The following ATP13A4 variants were observed in gnomAD, a reference collection of about 807,000 sequenced individuals.
The protein encoded by ATP13A4 is ATPase 13A4.
ATP13A4 carries 114 observed loss-of-function variants against 142.5 expected under a neutral mutation model. The ratio of observed to expected loss-of-function variants is 0.80; its 90% CI spans 0.69 to 0.93. The LOEUF (loss-of-function observed/expected upper bound fraction) is 0.93. Ranked by LOEUF, ATP13A4 falls within the 40% of genes least tolerant of loss-of-function variation. ATP13A4 has a pLI of 0.00. For missense variants in ATP13A4, 1,392 were observed against 1,454.0 expected, an observed-to-expected ratio of 0.96 and a Z score of 0.69; for synonymous variants, 488 against 514.8, an observed-to-expected ratio of 0.95 and a Z score of 0.70.
At chr3:193,549,427 TATATATAG>T (rs749184904) in intron 1 of ATP13A4, among the ~76,000 whole-genome samples, 29 of 141,864 alleles carry the variant, frequency 2.0e-4, no homozygotes, top group Middle Eastern at 3.5e-3. Context: ...AATATATATA[TATATATAG>T]AGAGAGAGAG....
At chr3:193,489,229 T>A (rs1323825631) in intron 7 of ATP13A4, among the ~76,000 whole-genome samples, 2 of 152,136 alleles carry the variant, frequency 1.3e-5, no homozygotes, top group Admixed American at 1.3e-4. Context: ...GGATTTATAG[T>A]GCAACCAACC....
chr3:193,418,740 G>C (rs1715250522), intron 25 of ATP13A4, among the ~76,000 whole-genome samples: 2 of 150,026 alleles, frequency 1.3e-5, no homozygotes, highest in Admixed American at 6.9e-5. Flanking sequence ...CCCCAGAGTA[G>C]AAGCCAACAG....
chr3:193,467,167 C>G, intron 10 of ATP13A4, 149 bp downstream of exon 10: 1 of 743,394 alleles, frequency 1.3e-6, no homozygotes. Flanking sequence ...TAAGTATATA[C>G]ACAGCTACTA....
intron 17 of ATP13A4, 130 bp from the exon 18 acceptor site, chr3:193,448,460 C>G (rs1717085436): frequency 1.7e-6 from 2 of 1,194,944 alleles, no homozygotes; most frequent in African/African-American, 3.0e-5. Flanking sequence ...CTCAGCTTCC[C>G]AAGTAACTGG....
intron 14 of ATP13A4, 120 bp from the exon 15 acceptor site, chr3:193,457,585 C>T (rs947256143): frequency 3.3e-6 from 3 of 923,032 alleles, no homozygotes; most frequent in Admixed American, 1.9e-5. Flanking sequence ...TTCCGTGTCT[C>T]TTCCCTCAGA....
chr3:193,467,567 A>G lies in ATP13A4; in HGVS notation c.944-81T>C, dbSNP rs1273925592. On this transcript the variant is annotated intron_variant, in intron 9 of 29. Coordinates refer to ENST00000342695, the MANE Select transcript of ATP13A4 (RefSeq NM_032279.4). The stretch of plus-strand genomic sequence containing the variant: ...CATGCCTGCACCCACTCATCATACA[A>G]CAGACATTTTTTTTGTGAGCCTACC... 3 of 1,441,970 alleles carry G rather than the reference A, an allele frequency of 2.1e-6. No homozygotes were observed. The African/African-American group carries it at 4.2e-5, about 20-fold the overall frequency. The allele number at this position is 1,441,970 out of a possible 1,614,324, so 89.3% of individuals were successfully genotyped here.
At chr3:193,530,130 T>TCACC (rs1282372180) in intron 1 of ATP13A4, among the ~76,000 whole-genome samples, 2 of 152,216 alleles carry the variant, frequency 1.3e-5, no homozygotes, top group Admixed American at 1.3e-4. Context: ...GAATATGTCC[T>TCACC]ATAACTACTC....
intron 25 of ATP13A4, among the ~76,000 whole-genome samples, chr3:193,428,264 T>C (rs1215673010): frequency 2.7e-5 from 4 of 150,762 alleles, no homozygotes; most frequent in African/African-American, 1.0e-4. Flanking sequence ...CCAGTTACAA[T>C]GGTGATAATT....
In ATP13A4 at chr3:193,535,079, A is replaced by G. The variant is rs74287999; in HGVS notation, c.60+19661T>C. On this transcript the variant is annotated intron_variant, in intron 1 of 29. Transcript: ENST00000342695. Reference sequence around the variant, plus strand: ...CAGGCATGAGCCACCACACCCAGCTAAAAGCCAAAGACCTCAACACCTCTC... The same window carrying G: ...CAGGCATGAGCCACCACACCCAGCTGAAAGCCAAAGACCTCAACACCTCTC... Among the ~76,000 whole-genome samples the G allele has an allele frequency of 5.5e-3, 832 of 152,300 alleles. 14 individuals are homozygous for G. In the East Asian group the frequency reaches 0.07, roughly 13 times the overall value.
chr3:193,433,571 C>CT (rs1213561437), intron 25 of ATP13A4, among the ~76,000 whole-genome samples: 2 of 152,130 alleles, frequency 1.3e-5, no homozygotes, highest in Non-Finnish European at 2.9e-5. Context: ...TTTCAAGCTG[C>CT]TTTTTTCATT....
chr3:193,452,058 C>T (rs778230210), intron 17 of ATP13A4, among the ~76,000 whole-genome samples: 1 of 152,198 alleles, frequency 6.6e-6, no homozygotes, highest in Admixed American at 6.5e-5. Flanking sequence ...CACTATTCCC[C>T]ATTGCTCATG....
intron 25 of ATP13A4, among the ~76,000 whole-genome samples, chr3:193,433,415 T>C (rs926021277): frequency 1.3e-5 from 2 of 152,192 alleles, no homozygotes; most frequent in African/African-American, 4.8e-5. Flanking sequence ...AGAGGTATAA[T>C]GGCAAGATTA....
rs553936055 is a variant in ATP13A4 at position 193,510,394 on chromosome 3, C to T, written c.234+4304G>A. Among the ~76,000 whole-genome samples, 3 of 152,184 alleles carry T rather than the reference C, an allele frequency of 2.0e-5. No homozygotes were observed. The South Asian group carries it at 6.2e-4, about 32-fold the overall frequency. On this transcript the variant is annotated intron_variant, in intron 2 of 29. Transcript: ENST00000342695. The stretch of plus-strand genomic sequence containing the variant: ...TCACAAAGTTCTCCTCTGCACACCA[C>T]GGGTCTTTGACAACATGTAACCTAC...
chr3:193,532,890 TTAATGGCA>T (rs1722406811), intron 1 of ATP13A4, among the ~76,000 whole-genome samples: 1 of 152,122 alleles, frequency 6.6e-6, no homozygotes, highest in African/African-American at 2.4e-5. Context: ...ATAATAAATT[TTAATGGCA>T]TAAGGAAATA....
At chr3:193,407,218 C>T in intron 29 of ATP13A4, 95 bp downstream of exon 29, 3 of 1,109,110 alleles carry the variant, frequency 2.7e-6, no homozygotes, top group Non-Finnish European at 4.0e-6. Context: ...GAGTCCATGT[C>T]AGCTAAAGTT....
chr3:193,527,857 A>G lies in ATP13A4; in HGVS notation c.61-12986T>C, dbSNP rs576352003. 1.2e-4 allele frequency among the ~76,000 whole-genome samples: 19 copies of G among 152,304 alleles called. No homozygotes were observed. In the South Asian group the frequency reaches 3.9e-3, roughly 32 times the overall value. On this transcript the variant is annotated intron_variant, in intron 1 of 29. Coordinates refer to ENST00000342695, the MANE Select transcript of ATP13A4 (RefSeq NM_032279.4). ...CTGGGCCTGTTTGTCCATCTGTAAC[A>G]GAGAGGGTTGAATTAAATGATCTCT...
At position 193,402,441 on chromosome 3, in the gene ATP13A4, C is replaced by G; in HGVS notation, c.*211G>C. The G allele has an allele frequency of 1.8e-6, 1 of 547,192 alleles. No individual in the cohort carries two copies. The highest frequency in any genetic ancestry group is 3.3e-6 in the Non-Finnish European group (1 of 305,836). 33.9% of individuals were successfully genotyped at this position (547,192 alleles called of 1,614,324 possible). A position where few individuals can be genotyped will look rare whatever the true frequency, so the allele number is the denominator to read the frequency against. Reference sequence around the variant, plus strand: ...TGCCTTCACTGAATGCCTCTAATACCTTCAGAAGCCAAGAGGAAAGCACTC... The same window carrying G: ...TGCCTTCACTGAATGCCTCTAATACGTTCAGAAGCCAAGAGGAAAGCACTC... On this transcript the variant is annotated 3_prime_UTR_variant, in exon 30 of 30. Coordinates refer to ENST00000342695, the MANE Select transcript of ATP13A4 (RefSeq NM_032279.4).
chr3:193,523,002 T>C (rs1001528948), intron 1 of ATP13A4, among the ~76,000 whole-genome samples: 8 of 152,200 alleles, frequency 5.3e-5, no homozygotes, highest in African/African-American at 1.7e-4. Flanking sequence ...TATTTTGTTA[T>C]TCAAAATGAG....
intron 2 of ATP13A4, among the ~76,000 whole-genome samples, chr3:193,570,480 A>G (rs1173107326): frequency 6.6e-6 from 1 of 152,202 alleles, no homozygotes; most frequent in Non-Finnish European, 1.5e-5. Flanking sequence ...TATAAATTAT[A>G]TACTAGCAAA....
Sources: gnomAD v4.1 joint callset for allele counts (sites outside exome capture counted in the v4.1 genomes callset) on GRCh38, gnomAD v4.1.1 for gene constraint, MANE v1.5 for transcripts, NCBI Gene and HGNC (gene_info 2026-07-23, HGNC 2026-07-21) for gene names.